PANK2: variants seen among roughly 807,000 people sequenced by gnomAD.
The protein encoded by PANK2 is pantothenate kinase 2.
PANK2 carries 36 observed loss-of-function variants against 43.1 expected under a neutral mutation model. That is an observed-to-expected ratio of 0.84 (90% CI 0.64 to 1.10). The LOEUF (loss-of-function observed/expected upper bound fraction) is 1.10. Among genes scored for constraint, PANK2 ranks in the 50% least tolerant of loss-of-function variants. The pLI is 0.00. For missense variants in PANK2, 576 were observed against 593.3 expected (o/e 0.97, Z 0.30); for synonymous variants, 281 against 238.2 (o/e 1.18, Z -1.66).
At chr20:3,913,973 C>T (rs376484370) in intron 4 of PANK2, among the ~76,000 whole-genome samples, 172 of 151,548 alleles carry the variant, frequency 1.1e-3, no homozygotes, top group Middle Eastern at 3.4e-3. Context: ...GTATTTTTAG[C>T]AGAGATGGGG....
chr20:3,906,805 C>CT lies in PANK2; in HGVS notation c.299-1113dup, dbSNP rs1010173258. Among the ~76,000 whole-genome samples, 19 of 151,878 alleles carry CT rather than the reference C, an allele frequency of 1.3e-4. No homozygotes were observed. The South Asian group carries it at 2.5e-3, about 20-fold the overall frequency. ...CCACTTTGATCCAATCTCTTCAGGCCTTTTTTTTCTTTGAGACGGAGTGTC... is the reference window on the plus strand; with the variant it reads ...CCACTTTGATCCAATCTCTTCAGGCCTTTTTTTTTCTTTGAGACGGAGTGTC... On this transcript the variant is annotated intron_variant, in intron 1 of 6. Coordinates refer to ENST00000610179, the MANE Select transcript of PANK2 (RefSeq NM_001386393.1).
chr20:3,896,794 T>C (rs910156882), intron 1 of PANK2, among the ~76,000 whole-genome samples: 2 of 152,186 alleles, frequency 1.3e-5, no homozygotes, highest in Non-Finnish European at 2.9e-5. Context: ...CCCTATACTG[T>C]GTACTATGCG....
chr20:3,888,808 G>A, upstream of PANK2: 1 of 406,636 alleles, frequency 2.5e-6, no homozygotes, highest in Non-Finnish European at 4.4e-6. Flanking sequence ...TCTCTCCAAC[G>A]CAGGCGGAAA....
chr20:3,904,963 C>A (rs541393611), intron 1 of PANK2, among the ~76,000 whole-genome samples: 2 of 152,112 alleles, frequency 1.3e-5, no homozygotes, highest in East Asian at 3.8e-4. Context: ...GTATGAGATA[C>A]GTGGCAAAAT....
At chr20:3,905,504 G>C (rs1422975074) in intron 1 of PANK2, among the ~76,000 whole-genome samples, 2 of 151,026 alleles carry the variant, frequency 1.3e-5, no homozygotes, top group Non-Finnish European at 2.9e-5. Context: ...CCGCCACCAC[G>C]CCCGGCTAAT....
In PANK2 at chr20:3,903,115, A is replaced by G. The variant is rs2090330038; in HGVS notation, c.299-4811A>G. On this transcript the variant is annotated intron_variant, in intron 1 of 6. Coordinates refer to ENST00000610179, the MANE Select transcript of PANK2 (RefSeq NM_001386393.1). Reference sequence around the variant, plus strand: ...TCAAGCCCATGATTTGCTTGCTTTCAGATGTAAAAATGATTAGCTTGCCTT... The same window carrying G: ...TCAAGCCCATGATTTGCTTGCTTTCGGATGTAAAAATGATTAGCTTGCCTT... Among the ~76,000 whole-genome samples, 3 of 148,938 alleles carry G rather than the reference A, an allele frequency of 2.0e-5. No individual in the cohort carries two copies. The South Asian group carries it at 6.4e-4, about 32-fold the overall frequency.
chr20:3,900,533 C>T (rs1302464141), intron 1 of PANK2, among the ~76,000 whole-genome samples: 1 of 151,854 alleles, frequency 6.6e-6, no homozygotes, highest in Non-Finnish European at 1.5e-5. Context: ...TCAAAGCATT[C>T]AACTCCTCCT....
chr20:3,895,476 C>T (rs1439431733), intron 1 of PANK2, among the ~76,000 whole-genome samples: 2 of 123,206 alleles, frequency 1.6e-5, no homozygotes, highest in Non-Finnish European at 3.2e-5. Context: ...GAGGGAGACC[C>T]TGTCTCCGTT....
Position 3,889,474 on chromosome 20 carries a change from G to A in PANK2, c.44G>A (p.Gly15Glu), listed in dbSNP as rs1352298565. 1.3e-6 allele frequency: 2 copies of A among 1,522,090 alleles called. No individual in the cohort carries two copies. Among genetic ancestry groups the A allele is most frequent in the Non-Finnish European group, 8.7e-7 (1 of 1,143,528 alleles). 94.3% of individuals were successfully genotyped at this position (1,522,090 alleles called of 1,614,324 possible). Reference sequence around the variant, plus strand: ...CGGCAGCGACTGCTGCTGCGGATGGGAGGGGGCCGGCTCGGCGCGCCCATG... The same window carrying A: ...CGGCAGCGACTGCTGCTGCGGATGGAAGGGGGCCGGCTCGGCGCGCCCATG... The change falls in exon 1 of 7, where the codon GGA becomes GAA. Residue 15 changes from glycine to glutamate, a missense_variant. This residue lies in a region of PANK2 where 544 missense variants were observed against 528.9 expected (regional missense o/e 1.03). Coordinates refer to ENST00000610179, the MANE Select transcript of PANK2 (RefSeq NM_001386393.1).
chr20:3,911,647 T>C (rs947509717), intron 3 of PANK2, among the ~76,000 whole-genome samples: 2 of 150,788 alleles, frequency 1.3e-5, no homozygotes, highest in Non-Finnish European at 2.9e-5. Flanking sequence ...ATCCCAGCAC[T>C]TTGGGAGGCC....
At chr20:3,907,898 T>C in intron 1 of PANK2, 28 bp from the exon 2 acceptor site, 2 of 1,599,130 alleles carry the variant, frequency 1.3e-6, no homozygotes, top group Non-Finnish European at 1.7e-6. Context: ...AAAAAAGCTG[T>C]TCTGACTTAT....
chr20:3,906,626 A>G (rs576216439), intron 1 of PANK2, among the ~76,000 whole-genome samples: 5 of 152,290 alleles, frequency 3.3e-5, no homozygotes, highest in Non-Finnish European at 7.3e-5. Flanking sequence ...AATGTCGAAT[A>G]TCTTGTAATT....
intron 4 of PANK2, among the ~76,000 whole-genome samples, chr20:3,914,941 T>C (rs2090534532): frequency 6.6e-6 from 1 of 152,220 alleles, no homozygotes; most frequent in Non-Finnish European, 1.5e-5. Context: ...ACTGGCCATC[T>C]GTCTGTAGTC....
intron 1 of PANK2, among the ~76,000 whole-genome samples, chr20:3,892,673 CAA>C (rs763721845): frequency 1.2e-4 from 13 of 104,338 alleles, no homozygotes; most frequent in Admixed American, 2.2e-4. Flanking sequence ...GACTCTGTCT[CAA>C]AAAAAAAAAA....
chr20:3,910,316 T>G (rs1392472980), intron 2 of PANK2, among the ~76,000 whole-genome samples: 1 of 151,772 alleles, frequency 6.6e-6, no homozygotes, highest in Non-Finnish European at 1.5e-5. Context: ...TTGTTTTTTT[T>G]GTTTTTTTTT....
chr20:3,921,426 T>G (rs1487716341), intron 6 of PANK2: 1 of 152,192 alleles, frequency 6.6e-6, no homozygotes, highest in Non-Finnish European at 1.5e-5. Flanking sequence ...CGTTGTAGTT[T>G]ATAACCACCT....
Position 3,923,745 on chromosome 20 carries a change from A to G in PANK2, c.*451A>G, listed in dbSNP as rs1449676630. 1 of 180,252 alleles carries G rather than the reference A, an allele frequency of 5.5e-6. No homozygotes were observed. Among genetic ancestry groups the G allele is most frequent in the African/African-American group, 2.4e-5 (1 of 42,520 alleles). The allele number at this position is 180,252 out of a possible 1,614,324, so 11.2% of individuals were successfully genotyped here. A position where few individuals can be genotyped will look rare whatever the true frequency, so the allele number is the denominator to read the frequency against. On this transcript the variant is annotated 3_prime_UTR_variant, in exon 7 of 7. Transcript: ENST00000610179. ...TCTGTGCATTACTCTGGTTTGCATTAAGCCTGTGTGTGAACTTACTGTAAA... is the reference window on the plus strand; with the variant it reads ...TCTGTGCATTACTCTGGTTTGCATTGAGCCTGTGTGTGAACTTACTGTAAA...
intron 4 of PANK2, among the ~76,000 whole-genome samples, chr20:3,916,671 T>A (rs1229555424): frequency 6.6e-6 from 1 of 152,194 alleles, no homozygotes; most frequent in African/African-American, 2.4e-5. Context: ...TCTAACTGAA[T>A]ATGTGAATAT....
At chr20:3,901,072 A>T (rs2090293090) in intron 1 of PANK2, among the ~76,000 whole-genome samples, 1 of 151,232 alleles carries the variant, frequency 6.6e-6, no homozygotes, top group Non-Finnish European at 1.5e-5. Context: ...TTATTTATTT[A>T]TTTAAGAGGT....
Sources: gnomAD v4.1 joint callset for allele counts (sites outside exome capture counted in the v4.1 genomes callset) on GRCh38, gnomAD v4.1.1 for gene constraint, gnomAD v4.1.1 regional missense constraint, MANE v1.5 for transcripts, NCBI Gene and HGNC (gene_info 2026-07-23, HGNC 2026-07-21) for gene names.